The following CRB1 variants were observed in gnomAD, a reference collection of about 807,000 sequenced individuals.
CRB1 encodes crumbs cell polarity complex component 1, also known as protein crumbs homolog 1.
Under a neutral mutation model 120.0 loss-of-function variants are expected in CRB1, and 83 were observed. The ratio of observed to expected loss-of-function variants is 0.69; its 90% CI spans 0.58 to 0.83. The LOEUF is 0.83. CRB1 is among the 40% of genes least tolerant of loss of function. The pLI, the probability that CRB1 is intolerant of heterozygous loss-of-function variation, is 0.00. For synonymous variants in CRB1, 625 were observed against 612.5 expected, an observed-to-expected ratio of 1.02 and a Z score of -0.30; for missense variants, 1,699 against 1,687.6, an observed-to-expected ratio of 1.01 and a Z score of -0.12.
At chr1:197,242,419 C>T in the CRB1 span, among the ~76,000 whole-genome samples, 1 of 152,138 alleles carries the variant, frequency 6.6e-6, no homozygotes, top group Non-Finnish European at 1.5e-5. Flanking sequence ...GCCTTTTCTG[C>T]ATCTATTGAG....
chr1:197,222,631 ACT>A, the CRB1 span: 2 of 774,934 alleles, frequency 2.6e-6, no homozygotes, highest in Non-Finnish European at 4.8e-6. Flanking sequence ...GGGAAGGCAA[ACT>A]CAGTGTTTGA....
chr1:197,249,293 A>AT, the CRB1 span, among the ~76,000 whole-genome samples: 6 of 151,280 alleles, frequency 4.0e-5, no homozygotes, highest in South Asian at 2.1e-4. Context: ...ATGGACATAC[A>AT]TTTTTTTTTC....
At chr1:197,406,223 C>T (rs1214699223) in intron 5 of CRB1, among the ~76,000 whole-genome samples, 3 of 152,210 alleles carry the variant, frequency 2.0e-5, no homozygotes, top group Non-Finnish European at 4.4e-5. Context: ...TCATTTTGTT[C>T]TGTACTAAGA....
chr1:197,381,428 C>T (rs374010939), intron 5 of CRB1, among the ~76,000 whole-genome samples: 2 of 152,168 alleles, frequency 1.3e-5, no homozygotes, highest in African/African-American at 2.4e-5. Context: ...TAGAATTCTC[C>T]TTTCAGTGGC....
chr1:197,252,584 G>A, the CRB1 span, among the ~76,000 whole-genome samples: 412 of 37,454 alleles, frequency 0.011, 1 homozygote, highest in South Asian at 0.023. Flanking sequence ...ATATATATAT[G>A]TGTGTGTGTG....
At chr1:197,288,790 G>T (rs1358713958) in intron 1 of CRB1, among the ~76,000 whole-genome samples, 2 of 151,286 alleles carry the variant, frequency 1.3e-5, no homozygotes, top group Admixed American at 1.3e-4. Context: ...AACATAAAGA[G>T]AAAAAAGGAT....
chr1:197,435,459 A>G lies in CRB1; in HGVS notation c.3596A>G (p.His1199Arg), dbSNP rs368991071. 52 of 1,596,644 alleles carry G rather than the reference A, an allele frequency of 3.3e-5. No individual in the cohort carries two copies. Among genetic ancestry groups the G allele is most frequent in the Non-Finnish European group, 3.7e-5 (43 of 1,171,006 alleles). The change falls in exon 9 of 12, where the codon CAC (histidine) becomes CGC (arginine). Residue 1199 changes from histidine (H) to arginine (R), a missense_variant. His to Arg is a conservative substitution (Grantham distance 29, BLOSUM62 0). Transcript: ENST00000367400. ...TGCTCTGACAGAGTTGCAGCCTACC[A>G]CTGCACATGTGAGCCTGGATACACT... ...GNCSDRVAAY[H>R]CTCEPGYTGV...
chr1:197,355,322 A>C (rs1240814105), intron 4 of CRB1, among the ~76,000 whole-genome samples: 1 of 152,210 alleles, frequency 6.6e-6, no homozygotes, highest in African/African-American at 2.4e-5. Flanking sequence ...TCAGGAGCCC[A>C]GCTAGCTTCA....
In CRB1 at chr1:197,421,185, A is replaced by G. The variant is rs770634338; in HGVS notation, c.1357A>G (p.Asn453Asp). 3 of 1,614,194 alleles carry G rather than the reference A, an allele frequency of 1.9e-6. No individual in the cohort carries two copies. The highest frequency in any genetic ancestry group is 2.2e-5 in the East Asian group (1 of 44,876). Residue 453 changes from asparagine (N) to aspartate (D), a missense_variant, in exon 6 of 12, where the codon AAT becomes GAT. Asn to Asp is a conservative substitution (Grantham distance 23). Coordinates refer to ENST00000367400, the MANE Select transcript of CRB1 (RefSeq NM_201253.3). ...CTGTACCCATCAGCAATGTCTAAAT[A>G]ATGGAACATGCATCCCTCACTTCCA... ...LGCTHQQCLN[N>D]GTCIPHFQDG...
chr1:197,413,600 T>C (rs913658123), intron 5 of CRB1, among the ~76,000 whole-genome samples: 2 of 152,240 alleles, frequency 1.3e-5, no homozygotes, highest in Non-Finnish European at 2.9e-5. Flanking sequence ...TATCTGTGTT[T>C]AGATTTCCCA....
At chr1:197,475,705 T>C (rs1273698142) in intron 11 of CRB1, among the ~76,000 whole-genome samples, 4 of 152,150 alleles carry the variant, frequency 2.6e-5, no homozygotes, top group African/African-American at 9.7e-5. Context: ...CCTTCTACTT[T>C]ATAGTATTTT....
intron 4 of CRB1, among the ~76,000 whole-genome samples, chr1:197,355,840 C>T (rs1315438485): frequency 6.6e-6 from 1 of 152,232 alleles, no homozygotes; most frequent in Admixed American, 6.5e-5. Context: ...GAGGGGCTCC[C>T]ACAATGCAAC....
intron 1 of CRB1, among the ~76,000 whole-genome samples, chr1:197,269,099 C>T (rs1205285781): frequency 4.6e-5 from 7 of 152,134 alleles, no homozygotes; most frequent in African/African-American, 7.2e-5. Flanking sequence ...ATAATCTTGT[C>T]GGTTCTATAG....
At chr1:197,284,237 G>T (rs1427252237) in intron 1 of CRB1, among the ~76,000 whole-genome samples, 1 of 151,906 alleles carries the variant, frequency 6.6e-6, no homozygotes, top group African/African-American at 2.4e-5. Flanking sequence ...CACAGGACCA[G>T]TGTCATAGCA....
chr1:197,355,447 G>C (rs577452286), intron 4 of CRB1, among the ~76,000 whole-genome samples: 2 of 152,352 alleles, frequency 1.3e-5, no homozygotes, highest in African/African-American at 4.8e-5. Flanking sequence ...GGAGCAGGGG[G>C]TGGTGCTCAT....
At position 197,434,808 on chromosome 1, in the gene CRB1, C is replaced by A. The variant is rs1665047672; in HGVS notation, c.2945C>A (p.Thr982Lys). 2 of 1,613,624 alleles carry A rather than the reference C, an allele frequency of 1.2e-6. No homozygotes were observed. Among genetic ancestry groups the A allele is most frequent in the Non-Finnish European group, 1.7e-6 (2 of 1,179,644 alleles). ...ELTNITFGFR[T>K]RDANVIILHA... The stretch of plus-strand genomic sequence containing the variant: ...ACCAATATCACATTTGGTTTCAGAA[C>A]AAGGGATGCAAATGTAATAATATTG... The change falls in exon 9 of 12, where the codon ACA becomes AAA. Residue 982 changes from threonine to lysine, a missense_variant. Thr to Lys is a moderately conservative substitution (Grantham distance 78). Coordinates refer to ENST00000367400, the MANE Select transcript of CRB1 (RefSeq NM_201253.3).
At chr1:197,443,562 T>C (rs925896431) in intron 11 of CRB1, 2 of 151,878 alleles carry the variant, frequency 1.3e-5, no homozygotes, top group African/African-American at 4.8e-5. Context: ...AAAGTATATA[T>C]TGTAAAACTT....
intron 1 of CRB1, among the ~76,000 whole-genome samples, chr1:197,327,120 A>AAAAAC (rs1558055693): frequency 1.4e-5 from 1 of 71,044 alleles, no homozygotes. Flanking sequence ...AAAAAAAAAA[A>AAAAAC]AAAAAAAAAA....
chr1:197,337,990 C>T (rs2786110), intron 2 of CRB1, among the ~76,000 whole-genome samples: 104,364 of 151,390 alleles, frequency 0.69, 36,183 homozygotes, highest in East Asian at 0.91. Flanking sequence ...TATGGAAGTA[C>T]GAAAATATAT....
Sources: gnomAD v4.1 joint callset for allele counts (sites outside exome capture counted in the v4.1 genomes callset) on GRCh38, gnomAD v4.1.1 for gene constraint, MANE v1.5 for transcripts, NCBI Gene and HGNC (gene_info 2026-07-23, HGNC 2026-07-21) for gene names.